Variants in TTBK1 observed in about 807,000 individuals in gnomAD.
TTBK1 encodes the protein tau tubulin kinase 1, also known as tau-tubulin kinase 1.
Under a neutral mutation model 108.5 loss-of-function variants are expected in TTBK1, and 34 were observed. That is an observed-to-expected ratio of 0.31 (90% CI 0.24 to 0.42). TTBK1 has a LOEUF of 0.42. TTBK1 is among the 10% of genes least tolerant of loss of function. TTBK1 has a pLI of 1.00. For synonymous variants in TTBK1, 809 were observed against 795.1 expected (o/e 1.02, Z -0.29); for missense variants, 1,539 against 1,826.0 (o/e 0.84, Z 2.86).
At chr6:43,258,081 C>A (rs1269167590) in intron 10 of TTBK1, 115 bp downstream of exon 10, 5 of 1,237,470 alleles carry the variant, frequency 4.0e-6, no homozygotes, top group Non-Finnish European at 5.4e-6. Flanking sequence ...TCTTTCCTAT[C>A]CTTAGTGGAG....
At chr6:43,280,911 G>A (rs1778138876) in intron 13 of TTBK1, among the ~76,000 whole-genome samples, 1 of 152,178 alleles carries the variant, frequency 6.6e-6, no homozygotes, top group South Asian at 2.1e-4. Context: ...AAACTGCCTG[G>A]GCTAAGTGTG....
At chr6:43,248,680 G>A (rs1212124997) in intron 2 of TTBK1, among the ~76,000 whole-genome samples, 1 of 152,122 alleles carries the variant, frequency 6.6e-6, no homozygotes, top group Non-Finnish European at 1.5e-5. Context: ...CTGAGATCAT[G>A]CCATTGCACC....
At chr6:43,252,348 G>A (rs187128809) in intron 2 of TTBK1, among the ~76,000 whole-genome samples, 4 of 151,868 alleles carry the variant, frequency 2.6e-5, no homozygotes, top group South Asian at 4.1e-4. Flanking sequence ...CCTTCTGGCC[G>A]GGCACAGTGG....
intron 10 of TTBK1, 82 bp from the exon 11 acceptor site, chr6:43,258,956 G>T (rs902046985): frequency 1.6e-5 from 17 of 1,069,584 alleles, no homozygotes; most frequent in Non-Finnish European, 8.1e-6. Flanking sequence ...GTGGTCTCCA[G>T]GTCTGTGCTG....
Position 43,269,330 on chromosome 6 carries a change from C to A in TTBK1, c.1986+5980C>A, listed in dbSNP as rs1777761633. Among the ~76,000 whole-genome samples the A allele has an allele frequency of 6.6e-6, 1 of 152,192 alleles. No individual in the cohort carries two copies. The highest frequency in any genetic ancestry group is 1.5e-5 in the Non-Finnish European group (1 of 68,030). On this transcript the variant is annotated intron_variant, in intron 13 of 14. Transcript: ENST00000259750. This position sits in a 1 kb window ranked among gnomAD's most constrained non-coding sequence, Gnocchi z 4.8. ...GAAAGGGTTCCCCAGTCCAGAACAACCCTGAGCTAGGTAGGACTAAGCCAG... is the reference window on the plus strand; with the variant it reads ...GAAAGGGTTCCCCAGTCCAGAACAAACCTGAGCTAGGTAGGACTAAGCCAG...
intron 7 of TTBK1, 60 bp downstream of exon 7, chr6:43,255,174 G>T: frequency 8.7e-7 from 1 of 1,146,052 alleles, no homozygotes. Context: ...TCGGGGTGCA[G>T]TGTGCTGCTG....
rs539035146 is a variant in TTBK1 at position 43,270,232 on chromosome 6, C to T, written c.1986+6882C>T. 26 of 1,247,420 alleles carry T rather than the reference C, an allele frequency of 2.1e-5. No individual in the cohort carries two copies. The South Asian group carries it at 2.7e-4, about 13-fold the overall frequency. The allele number at this position is 1,247,420 out of a possible 1,614,324, so 77.3% of individuals were successfully genotyped here. On this transcript the variant is annotated intron_variant, in intron 13 of 14. Transcript: ENST00000259750. ...TACAGTTTCCAGGACAGGGCAGGGG[C>T]GCTCAGCTGGAGCCACTGATGGGTC...
At chr6:43,255,498 C>G in intron 7 of TTBK1, 54 bp from the exon 8 acceptor site, 1 of 1,498,202 alleles carries the variant, frequency 6.7e-7, no homozygotes, top group East Asian at 2.4e-5. Context: ...GTCAGCCGCC[C>G]ATTCCCAGGG....
Position 43,265,494 on chromosome 6 carries a change from G to T in TTBK1, c.1986+2144G>T, listed in dbSNP as rs562255122. On this transcript the variant is annotated intron_variant, in intron 13 of 14. Transcript: ENST00000259750. The surrounding 1 kb of genome is among the most constrained non-coding windows in gnomAD (Gnocchi z 4.1). Reference sequence around the variant, plus strand: ...CCCAGAGAGGCCCTAGCTGGCCTGAGTTGGAGGAGCAGCCCTGGCAGACCT... The same window carrying T: ...CCCAGAGAGGCCCTAGCTGGCCTGATTTGGAGGAGCAGCCCTGGCAGACCT... Among the ~76,000 whole-genome samples the T allele has an allele frequency of 8.5e-5, 13 of 152,368 alleles. No homozygotes were observed. In the South Asian group the frequency reaches 2.7e-3, roughly 32 times the overall value.
In TTBK1 at chr6:43,263,107, CGAA is replaced by C. The variant is rs1562089568; in HGVS notation, c.1746_1748del (p.Glu583del). The C allele has an allele frequency of 1.3e-6, 2 of 1,567,250 alleles. No individual in the cohort carries two copies. The highest frequency in any genetic ancestry group is 2.3e-5 in the South Asian group (2 of 85,958). On this transcript the variant is annotated inframe_deletion, in exon 13 of 15. Coordinates refer to ENST00000259750, the MANE Select transcript of TTBK1 (RefSeq NM_032538.3). This position sits in a 1 kb window ranked among gnomAD's most constrained non-coding sequence, Gnocchi z 4.7. ...AGCTGCGGCCACTGCCCGAGGAGGG[CGAA>C]GAGCGGCGGCGGCTGGGGGCAGAGC... is the stretch of plus-strand genomic sequence containing the variant.
chr6:43,275,749 G>A (rs930034362), intron 13 of TTBK1, among the ~76,000 whole-genome samples: 1 of 151,366 alleles, frequency 6.6e-6, no homozygotes, highest in Admixed American at 6.6e-5. Context: ...CCACCACTGA[G>A]GGCCCTGGGG....
intron 13 of TTBK1, chr6:43,271,733 C>T: frequency 1.0e-6 from 1 of 984,856 alleles, no homozygotes; most frequent in Non-Finnish European, 1.2e-6. Context: ...GTCACACACT[C>T]CTTTCCCCAA....
chr6:43,260,944 C>T (rs903516278), intron 12 of TTBK1, among the ~76,000 whole-genome samples: 8 of 150,456 alleles, frequency 5.3e-5, no homozygotes, highest in Non-Finnish European at 1.2e-4. Context: ...CACATGCAAA[C>T]ACACACACAC....
At chr6:43,274,234 C>A (rs562217434) in intron 13 of TTBK1, among the ~76,000 whole-genome samples, 1 of 152,198 alleles carries the variant, frequency 6.6e-6, no homozygotes, top group South Asian at 2.1e-4. Context: ...CTGAACCCAA[C>A]GATATCCCTT....
Position 43,283,818 on chromosome 6 carries a change from G to T in TTBK1, c.3078G>T (p.Pro1026=). The T allele has an allele frequency of 6.2e-7, 1 of 1,612,274 alleles. No homozygotes were observed. The highest frequency in any genetic ancestry group is 1.1e-5 in the South Asian group (1 of 90,956). The change falls in exon 14 of 15, where the codon CCG becomes CCT. Residue 1026 remains proline (P), a synonymous_variant. Transcript: ENST00000259750. This position sits in a 1 kb window ranked among gnomAD's most constrained non-coding sequence, Gnocchi z 8.1. ...NGPALADGPA[P]VSPLEPSPEK... ...CGGCCCTTGCAGACGGGCCAGCCCC[G>T]GTGTCCCCGCTGGAGCCAAGCCCTG... is the stretch of plus-strand genomic sequence containing the variant.
chr6:43,275,009 G>C (rs1181850395), intron 13 of TTBK1, among the ~76,000 whole-genome samples: 1 of 152,112 alleles, frequency 6.6e-6, no homozygotes, highest in Non-Finnish European at 1.5e-5. Context: ...CAGGCTGTGG[G>C]GGTGCGGGCA....
At position 43,282,978 on chromosome 6, in the gene TTBK1, A is replaced by T; in HGVS notation, c.2238A>T (p.Glu746Asp). 2 of 1,600,786 alleles carry T rather than the reference A, an allele frequency of 1.2e-6. No individual in the cohort carries two copies. Among genetic ancestry groups the T allele is most frequent in the Non-Finnish European group, 1.7e-6 (2 of 1,173,298 alleles). ...EEEEEDEEEE[E>D]EDEEEEEEEE... ...AGGAGGAAGATGAGGAAGAGGAAGA[A>T]GAGGATGAGGAAGAAGAAGAGGAGG... The change falls in exon 14 of 15, where the codon GAA becomes GAT. Residue 746 changes from glutamate (E) to aspartate (D), a missense_variant. By Grantham distance (45) the Glu-to-Asp change is conservative. This residue lies in a region of TTBK1 where 1,055 missense variants were observed against 1,086.5 expected (regional missense o/e 0.97). Coordinates refer to ENST00000259750, the MANE Select transcript of TTBK1 (RefSeq NM_032538.3). The surrounding 1 kb of genome is among the most constrained non-coding windows in gnomAD (Gnocchi z 5.4).
chr6:43,277,033 G>GCCCAA (rs1353256491), intron 13 of TTBK1, among the ~76,000 whole-genome samples: 1 of 152,140 alleles, frequency 6.6e-6, no homozygotes, highest in Admixed American at 6.5e-5. Flanking sequence ...AGGGGGCTGG[G>GCCCAA]CCCACCAGGC....
At chr6:43,260,368 T>C (rs2150692868) in intron 12 of TTBK1, among the ~76,000 whole-genome samples, 1 of 152,246 alleles carries the variant, frequency 6.6e-6, no homozygotes, top group Non-Finnish European at 1.5e-5. Flanking sequence ...CCCTGAGAGA[T>C]GTTTCCATCT....
Sources: gnomAD v4.1 joint callset for allele counts (sites outside exome capture counted in the v4.1 genomes callset) on GRCh38, gnomAD v4.1.1 for gene constraint, gnomAD v4.1.1 regional missense constraint, Gnocchi (gnomAD v3.1) non-coding constraint, MANE v1.5 for transcripts, NCBI Gene and HGNC (gene_info 2026-07-23, HGNC 2026-07-21) for gene names.